SMG1: variants seen among roughly 807,000 people sequenced by gnomAD.
SMG1 encodes the protein serine/threonine-protein kinase SMG1.
A neutral mutation model predicts 419.9 loss-of-function variants in SMG1; 22 were observed. The ratio of observed to expected loss-of-function variants is 0.05; its 90% CI spans 0.04 to 0.07. The LOEUF (loss-of-function observed/expected upper bound fraction) is 0.07. Ranked by LOEUF, SMG1 falls within the 10% of genes least tolerant of loss-of-function variation. The pLI is 1.00. For synonymous variants in SMG1, 1,538 were observed against 1,553.5 expected (o/e 0.99, Z 0.23); for missense variants, 3,185 against 4,342.0 (o/e 0.73, Z 7.49).
chr16:18,926,051 C>A lies in SMG1; in HGVS notation c.-10G>T. On this transcript the variant is annotated 5_prime_UTR_variant, in exon 1 of 63. Coordinates refer to ENST00000446231, the MANE Select transcript of SMG1 (RefSeq NM_015092.5). ...GGGCTCTGCGGCTCATTACCTTCCC[C>A]GACACGACATGGCCAAGCGCCGCCG... 6.4e-7 allele frequency: 1 copy of A among 1,565,212 alleles called. No homozygotes were observed. The highest frequency in any genetic ancestry group is 8.6e-7 in the Non-Finnish European group (1 of 1,164,848).
intron 60 of SMG1, among the ~76,000 whole-genome samples, chr16:18,812,907 A>G (rs1036669498): frequency 6.6e-6 from 1 of 152,062 alleles, no homozygotes; most frequent in Non-Finnish European, 1.5e-5. Context: ...CCTATGAGTG[A>G]GAACATGCGG....
chr16:18,846,131 TA>T (rs1163687079), intron 38 of SMG1, among the ~76,000 whole-genome samples: 1 of 152,096 alleles, frequency 6.6e-6, no homozygotes, highest in East Asian at 1.9e-4. Context: ...TTTTGTTTTT[TA>T]AAAAAATGCA....
At position 18,859,071 on chromosome 16, in the gene SMG1, T is replaced by G. The variant is rs964352494; in HGVS notation, c.4064A>C (p.Tyr1355Ser). The G allele has an allele frequency of 1.3e-6, 2 of 1,531,872 alleles. No individual in the cohort carries two copies. The highest frequency in any genetic ancestry group is 2.0e-5 in the Admixed American group (1 of 51,082). The allele number at this position is 1,531,872 out of a possible 1,614,324, so 94.9% of individuals were successfully genotyped here. ...SLPVLSTLQL[Y>S]CSSALENTVS... is the part of the protein sequence containing the mutation. ...TGTGTTCTCCAAAGCAGATGAGCAA[T>G]ACAGCTGCAAGGTACTTAGAACTGG... The change falls in exon 28 of 63, where the codon TAT (tyrosine) becomes TCT (serine). Residue 1355 changes from tyrosine (Y) to serine (S), a missense_variant. This residue lies in a region of SMG1 where 493 missense variants were observed against 552.9 expected (regional missense o/e 0.89). Coordinates refer to ENST00000446231, the MANE Select transcript of SMG1 (RefSeq NM_015092.5).
intron 1 of SMG1, among the ~76,000 whole-genome samples, chr16:18,903,298 TA>T (rs901971982): frequency 7.9e-5 from 12 of 152,192 alleles, no homozygotes; most frequent in African/African-American, 2.4e-4. Context: ...GATCTGATTT[TA>T]ACCTTTGTTT....
At chr16:18,899,208 T>C (rs2037250377) in intron 1 of SMG1, among the ~76,000 whole-genome samples, 1 of 152,194 alleles carries the variant, frequency 6.6e-6, no homozygotes, top group African/African-American at 2.4e-5. Context: ...CCGGGTAATC[T>C]GTTGCTACCA....
intron 25 of SMG1, among the ~76,000 whole-genome samples, chr16:18,863,373 T>C (rs539365093): frequency 1.3e-5 from 2 of 152,378 alleles, no homozygotes; most frequent in Admixed American, 6.5e-5. Flanking sequence ...TTTCTTTATA[T>C]TCACTCTGGC....
chr16:18,868,815 C>T (rs1311127124), intron 20 of SMG1, 96 bp from the exon 21 acceptor site: 13 of 616,058 alleles, frequency 2.1e-5, no homozygotes, highest in Admixed American at 3.0e-5. Flanking sequence ...TATCAAGTAT[C>T]CTCTGTCTAC....
At position 18,836,219 on chromosome 16, in the gene SMG1, G is replaced by GT. The variant is rs774598863; in HGVS notation, c.7778-8dup. The GT allele has an allele frequency of 6.8e-6, 11 of 1,610,352 alleles. 1 individual carries two copies. The African/African-American group carries it at 9.4e-5, about 14-fold the overall frequency. On this transcript the variant is annotated splice_polypyrimidine_tract_variant and splice_region_variant and intron_variant, in intron 47 of 62. Transcript: ENST00000446231. Reference sequence around the variant, plus strand: ...GGCACGTAACTTGGAGGACCTTTTGGTAAAAGACATTATTAAACACAGTAA... The same window carrying GT: ...GGCACGTAACTTGGAGGACCTTTTGGTTAAAAGACATTATTAAACACAGTAA...
chr16:18,912,113 T>C (rs959511963), intron 1 of SMG1, among the ~76,000 whole-genome samples: 1 of 141,814 alleles, frequency 7.1e-6, no homozygotes. Flanking sequence ...TTCTTAAAAA[T>C]AAAGACACTT....
chr16:18,896,044 A>T lies in SMG1; in HGVS notation c.412+8T>A. 6.2e-7 allele frequency: 1 copy of T among 1,611,464 alleles called. No homozygotes were observed. Among genetic ancestry groups the T allele is most frequent in the Non-Finnish European group, 8.5e-7 (1 of 1,179,390 alleles). On this transcript the variant is annotated splice_region_variant and intron_variant, in intron 3 of 62. Transcript: ENST00000446231. ...GTATGTGATTGGTCCCCGTTTTCCC[A>T]GCCTTACCCTGTGATTTCCTCATGT...
At chr16:18,864,935 T>A (rs983047085) in intron 23 of SMG1, among the ~76,000 whole-genome samples, 27 of 152,204 alleles carry the variant, frequency 1.8e-4, no homozygotes, top group African/African-American at 4.8e-5. Flanking sequence ...TGGTTAAATG[T>A]TTTTAAAAAA....
intron 1 of SMG1, among the ~76,000 whole-genome samples, chr16:18,903,234 CA>C (rs1163710491): frequency 6.6e-6 from 1 of 152,190 alleles, no homozygotes; most frequent in East Asian, 1.9e-4. Context: ...TTCAGACCTC[CA>C]ATCAAATTAG....
intron 56 of SMG1, 33 bp downstream of exon 56, chr16:18,819,469 G>C (rs1227287505): frequency 3.1e-6 from 5 of 1,599,208 alleles, no homozygotes; most frequent in African/African-American, 2.7e-5. Flanking sequence ...CTGTAAAAGT[G>C]AATACAAAGA....
chr16:18,877,504 A>C, intron 11 of SMG1: 1 of 307,316 alleles, frequency 3.3e-6, no homozygotes, highest in Non-Finnish European at 6.3e-6. Flanking sequence ...AAGTGAAACT[A>C]TCCTGTATGA....
chr16:18,867,041 G>A lies in SMG1; in HGVS notation c.3196-266C>T, dbSNP rs561668318. On this transcript the variant is annotated intron_variant, in intron 22 of 62. Transcript: ENST00000446231. The stretch of plus-strand genomic sequence containing the variant: ...AACATTCAACCTGTGACCTCTGTAG[G>A]AACAACACATGGAGTAAAAAGAAAG... 4.6e-5 allele frequency among the ~76,000 whole-genome samples: 7 copies of A among 152,130 alleles called. No homozygotes were observed. In the South Asian group the frequency reaches 8.3e-4, roughly 18 times the overall value.
At chr16:18,851,037 G>T (rs768952432) in intron 33 of SMG1, among the ~76,000 whole-genome samples, 5 of 152,112 alleles carry the variant, frequency 3.3e-5, no homozygotes, top group Non-Finnish European at 7.3e-5. Context: ...TTACAGGTGT[G>T]AGCCACCGCA....
chr16:18,831,492 G>T lies in SMG1; in HGVS notation c.8793-1123C>A, dbSNP rs1596480387. The stretch of plus-strand genomic sequence containing the variant: ...GATAAAATGAAGTCTGAAATTCAGT[G>T]CAAAACAAAGATGTACAGATCTAGC... On this transcript the variant is annotated intron_variant, in intron 51 of 62. Coordinates refer to ENST00000446231, the MANE Select transcript of SMG1 (RefSeq NM_015092.5). Among the ~76,000 whole-genome samples the T allele has an allele frequency of 3.9e-5, 6 of 152,178 alleles. 1 individual carries two copies. In the South Asian group the frequency reaches 1.2e-3, roughly 32 times the overall value.
intron 62 of SMG1, among the ~76,000 whole-genome samples, chr16:18,810,826 A>C (rs1308370678): frequency 6.6e-6 from 1 of 152,166 alleles, no homozygotes; most frequent in Non-Finnish European, 1.5e-5. Flanking sequence ...CACATGGTGA[A>C]GTTTAGGCAT....
intron 28 of SMG1, 119 bp downstream of exon 28, chr16:18,858,903 T>C: frequency 2.7e-6 from 2 of 742,498 alleles, no homozygotes; most frequent in Non-Finnish European, 4.1e-6. Flanking sequence ...GTTAGATTTC[T>C]GGATCTACTA....
Sources: gnomAD v4.1 joint callset for allele counts (sites outside exome capture counted in the v4.1 genomes callset) on GRCh38, gnomAD v4.1.1 for gene constraint, gnomAD v4.1.1 regional missense constraint, MANE v1.5 for transcripts, NCBI Gene and HGNC (gene_info 2026-07-23, HGNC 2026-07-21) for gene names.